UBR1: variants seen among roughly 807,000 people sequenced by gnomAD.
The protein encoded by UBR1 is ubiquitin protein ligase E3 component n-recognin 1, also known as E3 ubiquitin-protein ligase UBR1.
Under a neutral mutation model 242.1 loss-of-function variants are expected in UBR1, and 102 were observed. The ratio of observed to expected loss-of-function variants is 0.42; its 90% CI spans 0.36 to 0.50. The LOEUF (loss-of-function observed/expected upper bound fraction) is 0.50. Ranked by LOEUF, UBR1 falls within the 20% of genes least tolerant of loss-of-function variation. UBR1 has a pLI of 0.01. For missense variants in UBR1, 1,772 were observed against 2,101.8 expected, an observed-to-expected ratio of 0.84 and a Z score of 3.07; for synonymous variants, 675 against 684.8, an observed-to-expected ratio of 0.99 and a Z score of 0.22.
intron 44 of UBR1, 131 bp downstream of exon 44, chr15:42,957,882 A>G (rs2031949331): frequency 1.2e-6 from 1 of 818,240 alleles, no homozygotes; most frequent in Non-Finnish European, 2.0e-6. Flanking sequence ...CAAACAAACA[A>G]AAACAAAAAA....
Position 43,060,033 on chromosome 15 carries a change from C to A in UBR1, c.861+19G>T, listed in dbSNP as rs756900873. On this transcript the variant is annotated intron_variant, in intron 7 of 46. Coordinates refer to ENST00000290650, the MANE Select transcript of UBR1 (RefSeq NM_174916.3). ...ATTCATCTTTAACTTCTCTTTTTCC[C>A]CCTAATTCAGAAAGTTACCTTTATA... 1 of 1,613,018 alleles carries A rather than the reference C, an allele frequency of 6.2e-7. No homozygotes were observed. Among genetic ancestry groups the A allele is most frequent in the Non-Finnish European group, 8.5e-7 (1 of 1,179,154 alleles).
At position 42,951,611 on chromosome 15, in the gene UBR1, A is replaced by G. The variant is rs117350263; in HGVS notation, c.5006+667T>C. On this transcript the variant is annotated intron_variant, in intron 45 of 46. Coordinates refer to ENST00000290650, the MANE Select transcript of UBR1 (RefSeq NM_174916.3). ...AGATGAAATAAAGATATCACAGGAC[A>G]ATCTAAAGTAAAAATTTACATGTAC... is the stretch of plus-strand genomic sequence containing the variant. Among the ~76,000 whole-genome samples the G allele has an allele frequency of 3.2e-3, 485 of 152,318 alleles. 3 individuals carry two copies. Among genetic ancestry groups the G allele is most frequent in the Non-Finnish European group, 6.1e-3 (413 of 68,024 alleles).
intron 37 of UBR1, among the ~76,000 whole-genome samples, chr15:42,980,195 T>A (rs1219976761): frequency 6.6e-6 from 1 of 152,226 alleles, no homozygotes; most frequent in Non-Finnish European, 1.5e-5. Flanking sequence ...GTCATCAAAT[T>A]TTTCTTACAG....
intron 19 of UBR1, among the ~76,000 whole-genome samples, chr15:43,034,762 G>A (rs1221599898): frequency 6.6e-6 from 1 of 151,796 alleles, no homozygotes; most frequent in Non-Finnish European, 1.5e-5. Context: ...GTGCATGCCT[G>A]TAATCCCAGC....
chr15:43,059,948 C>T lies in UBR1; in HGVS notation c.861+104G>A, dbSNP rs1465954639. 6.5e-6 allele frequency: 10 copies of T among 1,548,936 alleles called. No homozygotes were observed. In the East Asian group the frequency reaches 2.0e-4, roughly 31 times the overall value. On this transcript the variant is annotated intron_variant, in intron 7 of 46. Coordinates refer to ENST00000290650, the MANE Select transcript of UBR1 (RefSeq NM_174916.3). ...GTTCCAAATCTCTGCATCTAGGTGC[C>T]CCAAACCACTTCAACGACATCATCA... is the stretch of plus-strand genomic sequence containing the variant.
chr15:43,079,690 G>A (rs2033952784), intron 3 of UBR1, among the ~76,000 whole-genome samples: 1 of 152,206 alleles, frequency 6.6e-6, no homozygotes, highest in South Asian at 2.1e-4. Context: ...GCTGAGGCAG[G>A]AGAATGGAGT....
intron 39 of UBR1, 86 bp downstream of exon 39, chr15:42,976,631 C>G: frequency 6.7e-7 from 1 of 1,492,360 alleles, no homozygotes; most frequent in Non-Finnish European, 9.3e-7. Context: ...CCTAGAAATA[C>G]ATTATATAAT....
chr15:43,021,404 T>A (rs750399650), intron 26 of UBR1, 29 bp from the exon 27 acceptor site: 3 of 1,600,722 alleles, frequency 1.9e-6, no homozygotes, highest in Non-Finnish European at 2.6e-6. Flanking sequence ...TCACACATCA[T>A]AAATACATAA....
chr15:43,005,361 C>T (rs1449334978), intron 30 of UBR1, among the ~76,000 whole-genome samples: 2 of 151,138 alleles, frequency 1.3e-5, no homozygotes, highest in Non-Finnish European at 3.0e-5. Flanking sequence ...CCAGCCGCCC[C>T]ATCCGGGAGG....
Position 43,017,099 on chromosome 15 carries a change from T to A in UBR1, c.3023A>T (p.Asp1008Val), listed in dbSNP as rs1456787822. The change falls in exon 28 of 47, where the codon GAT becomes GTT. Residue 1008 changes from aspartate to valine, a missense_variant. Coordinates refer to ENST00000290650, the MANE Select transcript of UBR1 (RefSeq NM_174916.3). ...AGTGTTATTACAGTGTCATACCTCATCATTCTTAATAGATTCCGATCCTGA... is the reference window on the plus strand; with the variant it reads ...AGTGTTATTACAGTGTCATACCTCAACATTCTTAATAGATTCCGATCCTGA... Reference protein sequence around the residue: ...TTSGSESIKNDEITHDKEKAE... With the variant: ...TTSGSESIKNVEITHDKEKAE... The A allele has an allele frequency of 1.2e-6, 2 of 1,611,606 alleles. No individual in the cohort carries two copies. Among genetic ancestry groups the A allele is most frequent in the South Asian group, 1.1e-5 (1 of 90,996 alleles).
At chr15:43,026,906 T>C (rs143915101) in intron 22 of UBR1, among the ~76,000 whole-genome samples, 12 of 152,278 alleles carry the variant, frequency 7.9e-5, no homozygotes, top group African/African-American at 2.2e-4. Flanking sequence ...GAAGTTTGTT[T>C]TATACTATCT....
chr15:43,007,685 T>A lies in UBR1; in HGVS notation c.3210-401A>T, dbSNP rs147869854. 3.1e-4 allele frequency among the ~76,000 whole-genome samples: 47 copies of A among 152,294 alleles called. No individual in the cohort carries two copies. In the East Asian group the frequency reaches 8.7e-3, roughly 28 times the overall value. ...AGAGATACCTACTAGTAACCTTGTA[T>A]ATTTCCTTCTAGGTCTGCTTTCTAT... On this transcript the variant is annotated intron_variant, in intron 29 of 46. Transcript: ENST00000290650.
intron 42 of UBR1, among the ~76,000 whole-genome samples, chr15:42,963,080 C>T (rs1188472244): frequency 1.3e-5 from 2 of 152,104 alleles, no homozygotes; most frequent in East Asian, 3.9e-4. Flanking sequence ...ATTAGTTAAC[C>T]TACTGTGATT....
At chr15:42,987,327 C>T (rs756212106) in intron 35 of UBR1, among the ~76,000 whole-genome samples, 1 of 151,714 alleles carries the variant, frequency 6.6e-6, no homozygotes, top group Admixed American at 6.6e-5. Context: ...GGCAGGTGCC[C>T]GTGGCCTGGA....
In UBR1 at chr15:42,946,705, T is replaced by A. The variant is rs79205147; in HGVS notation, c.5109-1235A>T. ...TAAGGAGGTCTAATCTTTATCTATA[T>A]GTACTTTTGAGATCACTGTCAGTCT... On this transcript the variant is annotated intron_variant, in intron 46 of 46. Coordinates refer to ENST00000290650, the MANE Select transcript of UBR1 (RefSeq NM_174916.3). Among the ~76,000 whole-genome samples, 1,510 of 152,342 alleles carry A rather than the reference T, an allele frequency of 9.9e-3. 28 individuals carry two copies. The highest frequency in any genetic ancestry group is 0.035 in the African/African-American group (1,448 of 41,568).
chr15:43,091,805 A>G (rs1260778809), intron 1 of UBR1, among the ~76,000 whole-genome samples: 2 of 147,042 alleles, frequency 1.4e-5, no homozygotes, highest in Admixed American at 1.4e-4. Context: ...GGTGGTGCGC[A>G]TCTGTAATCC....
At chr15:42,995,072 A>G (rs903993463) in intron 33 of UBR1, among the ~76,000 whole-genome samples, 3 of 152,212 alleles carry the variant, frequency 2.0e-5, no homozygotes, top group Non-Finnish European at 4.4e-5. Context: ...AAAAGATACT[A>G]ATCACTCTTA....
Position 42,952,315 on chromosome 15 carries a change from C to T in UBR1, c.4969G>A (p.Ala1657Thr), listed in dbSNP as rs550798440. 5.0e-6 allele frequency: 8 copies of T among 1,614,140 alleles called. No homozygotes were observed. The highest frequency in any genetic ancestry group is 4.5e-5 in the East Asian group (2 of 44,876). Residue 1657 changes from alanine to threonine, a missense_variant, in exon 45 of 47, where the codon GCA becomes ACA. By Grantham distance (58) the Ala-to-Thr change is moderately conservative. Transcript: ENST00000290650. The stretch of plus-strand genomic sequence containing the variant: ...CAGACTCCGGCTCCACAGTGAAGTG[C>T]GTGAAAAATGCAAGCTCCAACCTCT... ...GEEVGACIFHALHCGAGVCIF... is the reference protein window; with the variant it reads ...GEEVGACIFHTLHCGAGVCIF...
intron 3 of UBR1, among the ~76,000 whole-genome samples, chr15:43,076,572 G>A (rs947770204): frequency 1.3e-5 from 2 of 150,904 alleles, no homozygotes; most frequent in African/African-American, 4.9e-5. Flanking sequence ...TCTGGGATGT[G>A]AGGAGCGCCT....
Sources: allele counts gnomAD v4.1 joint callset (sites outside exome capture counted in the v4.1 genomes callset), GRCh38; gene constraint gnomAD v4.1.1; transcripts MANE v1.5; gene names NCBI Gene and HGNC (gene_info 2026-07-23, HGNC 2026-07-21).